Variants in JUP observed in about 807,000 individuals in gnomAD.
JUP encodes junction plakoglobin.
In JUP, 28 loss-of-function variants were observed where a neutral mutation model predicts 71.1. That is an observed-to-expected ratio of 0.39 (90% confidence interval 0.29 to 0.54). The LOEUF is 0.54. Among genes scored for constraint, JUP ranks in the 20% least tolerant of loss-of-function variants. The probability of loss-of-function intolerance (pLI) is 0.62; values close to 1 mark genes in which losing one functional copy is unlikely to be tolerated. For synonymous variants in JUP, 401 were observed against 438.9 expected (o/e 0.91, Z 1.08); for missense variants, 869 against 1,030.1 (o/e 0.84, Z 2.14).
chr17:41,756,093 G>A (rs1444733759), intron 13 of JUP, 82 bp downstream of exon 13: 4 of 1,440,834 alleles, frequency 2.8e-6, no homozygotes, highest in Non-Finnish European at 3.9e-6. Flanking sequence ...TCTGGCCCCG[G>A]AGACATAATA....
rs1425264987 is a variant in JUP at position 41,755,262 on chromosome 17, A to C, written c.*482T>G. 2 of 399,476 alleles carry C rather than the reference A, an allele frequency of 5.0e-6. No individual in the cohort carries two copies. The highest frequency in any genetic ancestry group is 7.1e-5 in the East Asian group (2 of 28,054). 24.7% of individuals were successfully genotyped at this position (399,476 alleles called of 1,614,324 possible). A position where few individuals can be genotyped will look rare whatever the true frequency, so the allele number is the denominator to read the frequency against. On this transcript the variant is annotated 3_prime_UTR_variant, in exon 14 of 14. Transcript: ENST00000393931. ...GGAGGGGGTGTCAGGCCCTGGACCC[A>C]TGCCCAGGACAGAAAAGCAGGAGCA...
At chr17:41,785,164 C>T (rs2047389059) in intron 1 of JUP, 1 of 152,048 alleles carries the variant, frequency 6.6e-6, no homozygotes, top group African/African-American at 2.4e-5. Context: ...TGCACCTTCA[C>T]AATTCAGAAA....
chr17:41,759,317 C>T (rs998077565), intron 8 of JUP, among the ~76,000 whole-genome samples: 2 of 152,052 alleles, frequency 1.3e-5, no homozygotes, highest in East Asian at 1.9e-4. Flanking sequence ...TCAGGTGATC[C>T]GCCTGCTTCT....
At chr17:41,769,279 G>A (rs372665613) in intron 3 of JUP, 72 bp from the exon 4 acceptor site, 49 of 1,560,928 alleles carry the variant, frequency 3.1e-5, no homozygotes, top group East Asian at 2.7e-4. Flanking sequence ...CAGAGCTGAG[G>A]AGGGCCCCAG....
At chr17:41,779,640 T>A (rs1433668340) in intron 1 of JUP, among the ~76,000 whole-genome samples, 1 of 151,952 alleles carries the variant, frequency 6.6e-6, no homozygotes, top group Admixed American at 6.6e-5. Flanking sequence ...CAGTTTTTTT[T>A]ACAATGATCA....
chr17:41,758,962 C>G (rs896530666), intron 8 of JUP, 92 bp from the exon 9 acceptor site: 9 of 1,333,456 alleles, frequency 6.7e-6, no homozygotes, highest in Middle Eastern at 1.9e-4. Flanking sequence ...CCTCCTTCAC[C>G]TCTTCTGTCC....
chr17:41,779,367 A>G (rs1597859616), intron 1 of JUP, among the ~76,000 whole-genome samples: 1 of 118,706 alleles, frequency 8.4e-6, no homozygotes, highest in Admixed American at 1.0e-4. Context: ...GACAGATGTC[A>G]CCCAGGCTGG....
chr17:41,772,883 G>A (rs533863372), intron 1 of JUP: 1 of 985,520 alleles, frequency 1.0e-6, no homozygotes, highest in Admixed American at 6.1e-5. Flanking sequence ...CTTGGTCTGT[G>A]TTTGGCTCCA....
chr17:41,775,954 CA>C (rs2143802380), intron 1 of JUP: 1 of 984,746 alleles, frequency 1.0e-6, no homozygotes, highest in Non-Finnish European at 1.2e-6. Context: ...CCAGCCCTGA[CA>C]TTAAAAATAG....
At chr17:41,756,012 T>A in intron 13 of JUP, 117 bp from the exon 14 acceptor site, 1 of 1,144,198 alleles carries the variant, frequency 8.7e-7, no homozygotes, top group East Asian at 2.4e-5. Context: ...GCCTGACCCC[T>A]CCCCAGACCC....
Position 41,758,723 on chromosome 17 carries a change from G to A in JUP, c.1645C>T (p.Pro549Ser). 3 of 1,600,668 alleles carry A rather than the reference G, an allele frequency of 1.9e-6. No individual in the cohort carries two copies. Among genetic ancestry groups the A allele is most frequent in the Non-Finnish European group, 1.7e-6 (2 of 1,173,868 alleles). Residue 549 changes from proline (P) to serine (S), a missense_variant, in exon 9 of 14, where the codon CCC becomes TCC. By Grantham distance (74) the Pro-to-Ser change is moderately conservative (BLOSUM62 -1). Transcript: ENST00000393931. Reference sequence around the variant, plus strand: ...ACCACCAGCTCACATACCGTGTAGGGCTGCTGTGTGCCTGCAGCTACGTGG... The same window carrying A: ...ACCACCAGCTCACATACCGTGTAGGACTGCTGTGTGCCTGCAGCTACGTGG... ...QRHVAAGTQQ[P>S]YTDGVRMEEI...
rs782816522 is a variant in JUP at position 41,757,773 on chromosome 17, C to T, written c.1785G>A (p.Ser595=). 7.5e-6 allele frequency: 12 copies of T among 1,610,078 alleles called. No homozygotes were observed. Among genetic ancestry groups the T allele is most frequent in the Admixed American group, 6.7e-5 (4 of 59,766 alleles). Residue 595 remains serine, a synonymous_variant, in exon 11 of 14, where the codon TCG becomes TCA. Coordinates refer to ENST00000393931, the MANE Select transcript of JUP (RefSeq NM_002230.4). ...CCACGCGCTGGATGTTCTCCACCGA[C>T]GAGTACAGGAGCTGGGGAGAGGGGA... is the stretch of plus-strand genomic sequence containing the variant. ...TIPLFVQLLY[S]SVENIQRVAA...
intron 1 of JUP, among the ~76,000 whole-genome samples, chr17:41,774,465 C>T (rs1342187398): frequency 6.6e-6 from 1 of 152,066 alleles, no homozygotes; most frequent in Non-Finnish European, 1.5e-5. Context: ...TCTGAAGTAG[C>T]TGGGACTACA....
Position 41,758,475 on chromosome 17 carries a change from G to C in JUP, c.1697C>G (p.Ala566Gly). 6.2e-7 allele frequency: 1 copy of C among 1,614,076 alleles called. No homozygotes were observed. Among genetic ancestry groups the C allele is most frequent in the Non-Finnish European group, 8.5e-7 (1 of 1,179,980 alleles). The part of the protein sequence containing the change: ...MEEIVEGCTG[A>G]LHILARDPMN... ...GGGGTCCCGGGCGAGGATGTGCAGT[G>C]CTCCGGTGCAGCCCTCCACAATCTC... The change falls in exon 10 of 14, where the codon GCA (alanine) becomes GGA (glycine). Residue 566 changes from alanine to glycine, a missense_variant. Transcript: ENST00000393931.
At chr17:41,765,619 C>G (rs1410588352) in intron 5 of JUP, among the ~76,000 whole-genome samples, 2 of 152,202 alleles carry the variant, frequency 1.3e-5, no homozygotes, top group African/African-American at 4.8e-5. Context: ...TCCCAAAGTG[C>G]TGGGATTACA....
At chr17:41,772,212 T>C (rs963697621) in intron 1 of JUP, 19 of 389,314 alleles carry the variant, frequency 4.9e-5, no homozygotes, top group Non-Finnish European at 6.4e-5. Flanking sequence ...CTGACCCAAC[T>C]CTCCCAGGGG....
At position 41,765,212 on chromosome 17, in the gene JUP, T is replaced by C. The variant is rs1915517304; in HGVS notation, c.910-145A>G. 1.2e-5 allele frequency: 10 copies of C among 816,002 alleles called. 1 individual carries two copies. In the South Asian group the frequency reaches 1.7e-4, roughly 13 times the overall value. 50.5% of individuals were successfully genotyped at this position (816,002 alleles called of 1,614,324 possible). ...TTTTTCTTTTAATGTATTTTTTTCT[T>C]TTTATAAAGATGGGGGTCTCACTAT... On this transcript the variant is annotated intron_variant, in intron 5 of 13. Coordinates refer to ENST00000393931, the MANE Select transcript of JUP (RefSeq NM_002230.4).
chr17:41,756,051 T>C, intron 13 of JUP, 124 bp downstream of exon 13: 4 of 1,325,998 alleles, frequency 3.0e-6, no homozygotes, highest in Non-Finnish European at 4.3e-6. Context: ...CTGGGGTACA[T>C]GTGGATGCCA....
chr17:41,759,320 C>G (rs1307398970), intron 8 of JUP, among the ~76,000 whole-genome samples: 1 of 152,150 alleles, frequency 6.6e-6, no homozygotes, highest in African/African-American at 2.4e-5. Context: ...GGTGATCCGC[C>G]TGCTTCTGCC....
Sources: allele counts gnomAD v4.1 joint callset (sites outside exome capture counted in the v4.1 genomes callset), GRCh38; gene constraint gnomAD v4.1.1; transcripts MANE v1.5; gene names NCBI Gene and HGNC (gene_info 2026-07-23, HGNC 2026-07-21).